GOLM2: variants seen among roughly 807,000 people sequenced by gnomAD.
GOLM2 encodes golgi membrane protein 2.
GOLM2 carries 26 observed loss-of-function variants against 55.9 expected under a neutral mutation model. The ratio of observed to expected loss-of-function variants is 0.47; its 90% CI spans 0.34 to 0.65. The LOEUF is 0.65. Among genes scored for constraint, GOLM2 ranks in the 30% least tolerant of loss-of-function variants. The probability of loss-of-function intolerance (pLI) is 0.01; values close to 1 mark genes in which losing one functional copy is unlikely to be tolerated. For missense variants in GOLM2, 486 were observed against 531.8 expected (o/e 0.91, Z 0.85); for synonymous variants, 165 against 194.6 (o/e 0.85, Z 1.27).
intron 2 of GOLM2, among the ~76,000 whole-genome samples, chr15:44,324,309 C>T (rs2078968553): frequency 6.6e-6 from 1 of 151,950 alleles, no homozygotes; most frequent in South Asian, 2.1e-4. Context: ...CTTTATTGTA[C>T]CATATGTGTT....
intron 1 of GOLM2, chr15:44,308,539 C>T (rs1190667130): frequency 6.6e-6 from 1 of 152,102 alleles, no homozygotes; most frequent in Non-Finnish European, 1.5e-5. Flanking sequence ...GTACAAGTAT[C>T]TGTTTGAGTC....
intron 1 of GOLM2, among the ~76,000 whole-genome samples, chr15:44,320,594 T>C (rs911126153): frequency 6.6e-6 from 1 of 152,198 alleles, no homozygotes; most frequent in Non-Finnish European, 1.5e-5. Flanking sequence ...CATAAACCAC[T>C]GTGTCCGACC....
At chr15:44,315,206 C>T (rs531299779) in intron 1 of GOLM2, among the ~76,000 whole-genome samples, 1 of 152,292 alleles carries the variant, frequency 6.6e-6, no homozygotes, top group South Asian at 2.1e-4. Context: ...ATAGACTTGT[C>T]TCTAGAAATC....
Position 44,331,924 on chromosome 15 carries a change from T to C in GOLM2, c.486-64T>C. 5.1e-6 allele frequency: 6 copies of C among 1,178,506 alleles called. No homozygotes were observed. In the South Asian group the frequency reaches 7.6e-5, roughly 15 times the overall value. 73.0% of individuals were successfully genotyped at this position (1,178,506 alleles called of 1,614,324 possible). On this transcript the variant is annotated intron_variant, in intron 3 of 9. Transcript: ENST00000299957. ...TATCTTTCTTATGTATGTGTCAACT[T>C]CTGGACAACTTTGAGAATCCAATCC...
chr15:44,325,480 A>G (rs1326413362), intron 2 of GOLM2, among the ~76,000 whole-genome samples: 1 of 152,156 alleles, frequency 6.6e-6, no homozygotes, highest in Non-Finnish European at 1.5e-5. Context: ...AAATCATACT[A>G]AGCCTCAGGT....
At position 44,324,481 on chromosome 15, in the gene GOLM2, A is replaced by G. The variant is rs548628748; in HGVS notation, c.382+1462A>G. On this transcript the variant is annotated intron_variant, in intron 2 of 9. Coordinates refer to ENST00000299957, the MANE Select transcript of GOLM2 (RefSeq NM_138423.4). The stretch of plus-strand genomic sequence containing the variant: ...TGAAATTCAATAATGTGACTTTTGC[A>G]ACTGGAATGATTTCTACTGAAACAA... Among the ~76,000 whole-genome samples, 762 of 152,258 alleles carry G rather than the reference A, an allele frequency of 5.0e-3. 5 individuals are homozygous for G. Among genetic ancestry groups the G allele is most frequent in the African/African-American group, 0.017 (723 of 41,558 alleles).
intron 6 of GOLM2, among the ~76,000 whole-genome samples, chr15:44,342,317 T>C (rs1192608464): frequency 6.6e-6 from 1 of 152,028 alleles, no homozygotes; most frequent in Non-Finnish European, 1.5e-5. Context: ...TAGGCTGGAG[T>C]GCAGTGGCAT....
intron 8 of GOLM2, among the ~76,000 whole-genome samples, chr15:44,395,825 C>T (rs986055272): frequency 6.6e-6 from 1 of 151,520 alleles, no homozygotes; most frequent in African/African-American, 2.4e-5. Flanking sequence ...GGCGATAGAA[C>T]AAGACTCCGT....
At chr15:44,361,649 C>G (rs1176295393) in intron 6 of GOLM2, among the ~76,000 whole-genome samples, 11 of 151,362 alleles carry the variant, frequency 7.3e-5, no homozygotes, top group African/African-American at 2.4e-4. Context: ...CCTTCTGAAA[C>G]TATTCCAATC....
intron 1 of GOLM2, among the ~76,000 whole-genome samples, chr15:44,305,095 G>C (rs553329639): frequency 2.0e-5 from 3 of 151,988 alleles, no homozygotes; most frequent in Non-Finnish European, 4.4e-5. Flanking sequence ...GACCTCCCTG[G>C]ACTCAGGTGA....
chr15:44,338,903 T>A (rs1342601167), intron 6 of GOLM2, among the ~76,000 whole-genome samples: 1 of 152,174 alleles, frequency 6.6e-6, no homozygotes, highest in Non-Finnish European at 1.5e-5. Context: ...CACTTGCTGC[T>A]ATTCTAATCC....
chr15:44,375,411 C>T (rs1247527961), intron 6 of GOLM2, among the ~76,000 whole-genome samples: 2 of 152,168 alleles, frequency 1.3e-5, no homozygotes, highest in Non-Finnish European at 2.9e-5. Flanking sequence ...TTTAAGCTCA[C>T]ATTTGTTACA....
At chr15:44,378,754 T>G (rs1354370136) in intron 6 of GOLM2, among the ~76,000 whole-genome samples, 2 of 151,928 alleles carry the variant, frequency 1.3e-5, no homozygotes, top group Non-Finnish European at 2.9e-5. Flanking sequence ...TTCATTTTAT[T>G]TATTTATTTA....
At chr15:44,383,362 T>C (rs2079417837) in intron 8 of GOLM2, among the ~76,000 whole-genome samples, 1 of 152,154 alleles carries the variant, frequency 6.6e-6, no homozygotes, top group South Asian at 2.1e-4. Context: ...TGACTAGCTT[T>C]ATAGCACTTG....
chr15:44,312,851 C>T (rs1312878381), intron 1 of GOLM2, among the ~76,000 whole-genome samples: 4 of 152,124 alleles, frequency 2.6e-5, no homozygotes, highest in African/African-American at 9.7e-5. Flanking sequence ...GAGGCCGAGG[C>T]AGGCGGATCA....
intron 1 of GOLM2, among the ~76,000 whole-genome samples, chr15:44,310,232 A>G (rs1428090104): frequency 1.3e-5 from 2 of 152,050 alleles, no homozygotes; most frequent in African/African-American, 2.4e-5. Flanking sequence ...GCATAGTCAC[A>G]GTCTTAATTT....
intron 1 of GOLM2, chr15:44,307,898 G>A (rs2078849501): frequency 6.6e-6 from 1 of 152,064 alleles, no homozygotes; most frequent in Non-Finnish European, 1.5e-5. Flanking sequence ...CAGGAAAGCT[G>A]GAAAGTATGT....
At chr15:44,413,233 C>T in intron 9 of GOLM2, 103 bp from the exon 10 acceptor site, 1 of 756,752 alleles carries the variant, frequency 1.3e-6, no homozygotes, top group South Asian at 1.9e-5. Context: ...TGTAAAATAA[C>T]AAGCAGGAAA....
intron 2 of GOLM2, among the ~76,000 whole-genome samples, chr15:44,325,540 G>A (rs1242040292): frequency 1.3e-5 from 2 of 152,144 alleles, no homozygotes; most frequent in African/African-American, 4.8e-5. Flanking sequence ...GAATCAGAAG[G>A]GACTGTAATC....
Sources: gnomAD v4.1 joint callset for allele counts (sites outside exome capture counted in the v4.1 genomes callset) on GRCh38, gnomAD v4.1.1 for gene constraint, MANE v1.5 for transcripts, NCBI Gene and HGNC (gene_info 2026-07-23, HGNC 2026-07-21) for gene names.